PTPRR: variants seen among roughly 807,000 people sequenced by gnomAD.
PTPRR encodes the protein receptor-type tyrosine-protein phosphatase R.
A neutral mutation model predicts 77.2 loss-of-function variants in PTPRR; 38 were observed. The observed-to-expected ratio is 0.49, with a 90% confidence interval of 0.38 to 0.65. The LOEUF (loss-of-function observed/expected upper bound fraction) is 0.65, where lower values mean the gene tolerates loss of function less well. Ranked by LOEUF, PTPRR falls within the 30% of genes least tolerant of loss-of-function variation. The pLI is 0.00. For missense variants in PTPRR, 744 were observed against 799.2 expected (o/e 0.93, Z 0.83); for synonymous variants, 299 against 283.1 (o/e 1.06, Z -0.57).
chr12:70,766,647 T>A (rs1890830968), intron 2 of PTPRR, among the ~76,000 whole-genome samples: 1 of 150,780 alleles, frequency 6.6e-6, no homozygotes, highest in South Asian at 2.1e-4. Context: ...GCATTCAGAT[T>A]CAGGAAATAC....
intron 6 of PTPRR, among the ~76,000 whole-genome samples, chr12:70,731,223 T>A (rs1889651420): frequency 6.6e-6 from 1 of 152,026 alleles, no homozygotes; most frequent in Non-Finnish European, 1.5e-5. Context: ...GTTAAACCAT[T>A]GGTCAAGATT....
intron 1 of PTPRR, among the ~76,000 whole-genome samples, chr12:70,894,652 A>G (rs1352173436): frequency 1.3e-5 from 2 of 151,788 alleles, no homozygotes; most frequent in African/African-American, 2.4e-5. Context: ...GTTCATATAC[A>G]TCTAAAACAT....
intron 10 of PTPRR, among the ~76,000 whole-genome samples, chr12:70,683,863 T>C (rs1887762010): frequency 2.0e-5 from 3 of 152,312 alleles, no homozygotes; most frequent in African/African-American, 7.2e-5. Context: ...TGCTTATAAA[T>C]TAGGGTGATA....
chr12:70,779,820 G>A (rs978030155), intron 2 of PTPRR, among the ~76,000 whole-genome samples: 1 of 152,156 alleles, frequency 6.6e-6, no homozygotes, highest in Non-Finnish European at 1.5e-5. Context: ...CCTCGTGCTT[G>A]AGGAAGGTAT....
At chr12:70,767,480 A>T (rs1421106080) in intron 2 of PTPRR, among the ~76,000 whole-genome samples, 3 of 151,898 alleles carry the variant, frequency 2.0e-5, no homozygotes, top group African/African-American at 7.3e-5. Flanking sequence ...CTAAATATAT[A>T]TGCACCCAAT....
intron 13 of PTPRR, among the ~76,000 whole-genome samples, chr12:70,641,276 GCTTCTA>G (rs1885988222): frequency 6.6e-6 from 1 of 152,204 alleles, no homozygotes. Context: ...GTATGTGGAA[GCTTCTA>G]TGTGCTCCAC....
chr12:70,920,311 T>C, intron 1 of PTPRR, 22 bp downstream of exon 1: 3 of 1,610,644 alleles, frequency 1.9e-6, no homozygotes, highest in Non-Finnish European at 1.7e-6. Flanking sequence ...CAGCTCCGGC[T>C]CTAAGCCTGG....
At chr12:70,707,622 T>C (rs1209505859) in intron 6 of PTPRR, among the ~76,000 whole-genome samples, 1 of 152,128 alleles carries the variant, frequency 6.6e-6, no homozygotes, top group African/African-American at 2.4e-5. Context: ...TGTTTGTGCA[T>C]TTCCCTAATT....
chr12:70,752,300 A>T (rs763976694), intron 5 of PTPRR, among the ~76,000 whole-genome samples: 1 of 152,154 alleles, frequency 6.6e-6, no homozygotes, highest in African/African-American at 2.4e-5. Flanking sequence ...GCAATCACCT[A>T]TACTTCTGAA....
chr12:70,720,328 A>G (rs1218711368), intron 6 of PTPRR, among the ~76,000 whole-genome samples: 3 of 151,942 alleles, frequency 2.0e-5, no homozygotes, highest in Non-Finnish European at 4.4e-5. Context: ...ATTTGAGATG[A>G]TATAATTTAC....
intron 6 of PTPRR, among the ~76,000 whole-genome samples, chr12:70,730,164 C>T (rs926477239): frequency 6.6e-6 from 1 of 152,102 alleles, no homozygotes; most frequent in Non-Finnish European, 1.5e-5. Flanking sequence ...TTTACTTTTA[C>T]AGTATAGTGC....
intron 6 of PTPRR, among the ~76,000 whole-genome samples, chr12:70,706,728 A>G (rs888487945): frequency 2.0e-5 from 3 of 152,118 alleles, no homozygotes; most frequent in African/African-American, 7.2e-5. Context: ...TAAAAGAACC[A>G]GATACATTGA....
chr12:70,684,367 G>T, intron 9 of PTPRR, 103 bp from the exon 10 acceptor site: 1 of 1,264,046 alleles, frequency 7.9e-7, no homozygotes. Context: ...TAGTACAAAA[G>T]CAACACAGGT....
At chr12:70,797,428 A>AT (rs1433561298) in intron 2 of PTPRR, among the ~76,000 whole-genome samples, 4 of 152,196 alleles carry the variant, frequency 2.6e-5, no homozygotes, top group African/African-American at 7.2e-5. Context: ...ATAAATATAT[A>AT]TAAGCTACCT....
intron 2 of PTPRR, among the ~76,000 whole-genome samples, chr12:70,854,822 G>A (rs530075870): frequency 1.3e-4 from 20 of 152,306 alleles, no homozygotes; most frequent in African/African-American, 1.2e-4. Context: ...CCTGTTAAGC[G>A]TTTGTTGTGA....
chr12:70,696,675 A>T (rs1004403277), intron 8 of PTPRR, among the ~76,000 whole-genome samples: 7 of 151,940 alleles, frequency 4.6e-5, no homozygotes, highest in Non-Finnish European at 5.9e-5. Context: ...ATTTTTTTTT[A>T]AATTTTCACA....
chr12:70,865,424 C>T (rs1163804860), intron 2 of PTPRR, among the ~76,000 whole-genome samples: 1 of 152,100 alleles, frequency 6.6e-6, no homozygotes, highest in Non-Finnish European at 1.5e-5. Context: ...TGGTCACCTT[C>T]CAAATGACAG....
chr12:70,862,421 T>C (rs546157523), intron 2 of PTPRR, among the ~76,000 whole-genome samples: 32 of 152,072 alleles, frequency 2.1e-4, no homozygotes, highest in African/African-American at 7.5e-4. Flanking sequence ...TAAAAAATGA[T>C]GAGTTCATGT....
intron 2 of PTPRR, among the ~76,000 whole-genome samples, chr12:70,807,487 C>G (rs1891731760): frequency 6.6e-6 from 1 of 152,106 alleles, no homozygotes; most frequent in Non-Finnish European, 1.5e-5. Flanking sequence ...CTCCCCCCAC[C>G]CCACCAGATA....
Sources: allele counts gnomAD v4.1 joint callset (sites outside exome capture counted in the v4.1 genomes callset), GRCh38; gene constraint gnomAD v4.1.1; transcripts MANE v1.5; gene names NCBI Gene and HGNC (gene_info 2026-07-23, HGNC 2026-07-21).